ANXA3: variants seen among roughly 807,000 people sequenced by gnomAD.
The protein encoded by ANXA3 is 35-alpha calcimedin.
ANXA3 carries 46 observed loss-of-function variants against 48.8 expected under a neutral mutation model. The observed-to-expected ratio is 0.94, with a 90% CI of 0.74 to 1.21. The LOEUF is 1.21. ANXA3 is among the 50% of genes most tolerant of loss of function. ANXA3 has a pLI of 0.00. For synonymous variants in ANXA3, 128 were observed against 134.7 expected (o/e 0.95, Z 0.35); for missense variants, 383 against 378.6 (o/e 1.01, Z -0.10).
chr4:78,552,548 A>G (rs34970825), intron 1 of ANXA3, among the ~76,000 whole-genome samples: 43,512 of 151,986 alleles, frequency 0.29, 6,655 homozygotes, highest in Non-Finnish European at 0.34. Flanking sequence ...CACCAGGTGG[A>G]AGATTTGGAT....
At chr4:78,567,778 G>T (rs1046499399) in intron 2 of ANXA3, among the ~76,000 whole-genome samples, 3 of 152,274 alleles carry the variant, frequency 2.0e-5, no homozygotes, top group Admixed American at 6.5e-5. Context: ...TTTAACCTTT[G>T]TTCTCCCTGG....
chr4:78,556,760 T>C (rs1326326836), intron 2 of ANXA3, among the ~76,000 whole-genome samples: 1 of 152,002 alleles, frequency 6.6e-6, no homozygotes, highest in Non-Finnish European at 1.5e-5. Flanking sequence ...TCCAAAATGC[T>C]GGTGTTAAAA....
At chr4:78,582,149 A>C (rs1036543230) in intron 4 of ANXA3, 28 bp from the exon 5 acceptor site, 3 of 1,470,152 alleles carry the variant, frequency 2.0e-6, no homozygotes, top group Non-Finnish European at 2.8e-6. Context: ...AGTATTTCAC[A>C]TTTTTCCCCT....
At chr4:78,594,484 C>A (rs1325391938) in intron 7 of ANXA3, among the ~76,000 whole-genome samples, 6 of 152,150 alleles carry the variant, frequency 3.9e-5, no homozygotes, top group Admixed American at 2.6e-4. Flanking sequence ...GTGACTGTAC[C>A]ATTTTGCTTT....
At chr4:78,558,491 T>C (rs1217024516) in intron 2 of ANXA3, among the ~76,000 whole-genome samples, 1 of 152,240 alleles carries the variant, frequency 6.6e-6, no homozygotes, top group Non-Finnish European at 1.5e-5. Flanking sequence ...AGTCATTGCA[T>C]TTCTACAAAA....
chr4:78,577,771 G>A (rs2109934735), intron 3 of ANXA3, among the ~76,000 whole-genome samples: 1 of 152,268 alleles, frequency 6.6e-6, no homozygotes, highest in South Asian at 2.1e-4. Context: ...CTCTAGTCAT[G>A]CATGCTCTAG....
intron 2 of ANXA3, among the ~76,000 whole-genome samples, chr4:78,572,618 C>A (rs969958974): frequency 2.6e-5 from 4 of 151,846 alleles, no homozygotes; most frequent in African/African-American, 7.3e-5. Flanking sequence ...TGGGGGCCAC[C>A]AAAGGAGTTG....
intron 5 of ANXA3, 125 bp downstream of exon 5, chr4:78,582,415 T>C: frequency 1.7e-6 from 1 of 604,518 alleles, no homozygotes; most frequent in Non-Finnish European, 3.0e-6. Flanking sequence ...ACTCTCCCAG[T>C]GGTAGAATGA....
intron 3 of ANXA3, among the ~76,000 whole-genome samples, chr4:78,574,258 A>C (rs1722902954): frequency 6.6e-6 from 1 of 152,152 alleles, no homozygotes; most frequent in Non-Finnish European, 1.5e-5. Context: ...TCTCTACAAA[A>C]AAACTCAAAA....
At chr4:78,584,666 G>A (rs1337380472) in intron 5 of ANXA3, among the ~76,000 whole-genome samples, 3 of 152,182 alleles carry the variant, frequency 2.0e-5, no homozygotes, top group African/African-American at 7.2e-5. Context: ...TAGATCTGAG[G>A]CATAAGCCAT....
intron 2 of ANXA3, among the ~76,000 whole-genome samples, chr4:78,565,884 A>G (rs900288599): frequency 1.3e-5 from 2 of 152,202 alleles, no homozygotes; most frequent in Non-Finnish European, 2.9e-5. Flanking sequence ...AAACAAATAC[A>G]TGGAGGAGAC....
chr4:78,598,527 A>G (rs1341269838), intron 10 of ANXA3, among the ~76,000 whole-genome samples: 1 of 151,154 alleles, frequency 6.6e-6, no homozygotes, highest in African/African-American at 2.5e-5. Context: ...TCCATTTTAC[A>G]TTGTTAATCT....
At chr4:78,586,124 A>G (rs925908605) in intron 5 of ANXA3, 136 bp from the exon 6 acceptor site, 43 of 474,486 alleles carry the variant, frequency 9.1e-5, no homozygotes, top group Admixed American at 1.2e-4. Flanking sequence ...AAAATAGAAA[A>G]CGAGAGCAAT....
chr4:78,577,453 G>T (rs916704736), intron 3 of ANXA3, among the ~76,000 whole-genome samples: 2 of 152,120 alleles, frequency 1.3e-5, no homozygotes, highest in South Asian at 4.2e-4. Flanking sequence ...GTGGTGGCCG[G>T]TAGTGTACTG....
chr4:78,592,558 T>A (rs1723322010), intron 7 of ANXA3, among the ~76,000 whole-genome samples: 1 of 152,180 alleles, frequency 6.6e-6, no homozygotes, highest in East Asian at 1.9e-4. Flanking sequence ...TGTATGGACA[T>A]GAATGCACCC....
rs749613165 is a variant in ANXA3 at position 78,582,257 on chromosome 4, C to T, written c.279C>T (p.Val93=). The T allele has an allele frequency of 1.2e-6, 2 of 1,613,302 alleles. No homozygotes were observed. Among genetic ancestry groups the T allele is most frequent in the Non-Finnish European group, 1.7e-6 (2 of 1,179,318 alleles). The part of the protein sequence containing the change: ...LMVALVTPPA[V]FDAKQLKKSM... ...TGGCCCTAGTGACTCCACCAGCAGT[C>T]TTTGATGCAAAGCAGCTAAAGAAAT... is the stretch of plus-strand genomic sequence containing the variant. The change falls in exon 5 of 13, where the codon GTC becomes GTT. Residue 93 remains valine, a synonymous_variant. Transcript: ENST00000264908.
chr4:78,557,689 C>CTTT (rs71216222), intron 2 of ANXA3, among the ~76,000 whole-genome samples: 7 of 144,320 alleles, frequency 4.9e-5, no homozygotes, highest in African/African-American at 1.8e-4. Context: ...CTGGGTTTTT[C>CTTT]TTTTTTTTTT....
chr4:78,585,111 T>C (rs898595206), intron 5 of ANXA3, among the ~76,000 whole-genome samples: 7 of 152,252 alleles, frequency 4.6e-5, no homozygotes, highest in Admixed American at 2.6e-4. Flanking sequence ...AGTTGGAGGC[T>C]GTTAGCTAAC....
At chr4:78,577,475 G>C (rs1722978728) in intron 3 of ANXA3, among the ~76,000 whole-genome samples, 1 of 152,156 alleles carries the variant, frequency 6.6e-6, no homozygotes, top group Non-Finnish European at 1.5e-5. Context: ...CACAGATGCT[G>C]GGTACAATAC....
Sources: gnomAD v4.1 joint callset for allele counts (sites outside exome capture counted in the v4.1 genomes callset) on GRCh38, gnomAD v4.1.1 for gene constraint, MANE v1.5 for transcripts, NCBI Gene and HGNC (gene_info 2026-07-23, HGNC 2026-07-21) for gene names.